The following CCDC3 variants were observed in gnomAD, a reference collection of about 807,000 sequenced individuals.
CCDC3 encodes the protein coiled-coil domain containing 3, also known as coiled-coil domain-containing protein 3.
CCDC3 carries 24 observed loss-of-function variants against 21.4 expected under a neutral mutation model. The ratio of observed to expected loss-of-function variants is 1.12; its 90% CI spans 0.81 to 1.58. CCDC3 has a LOEUF of 1.58. CCDC3 is among the 40% of genes most tolerant of loss of function. The probability of loss-of-function intolerance (pLI) is 0.00; values close to 1 mark genes in which losing one functional copy is unlikely to be tolerated. For missense variants in CCDC3, 425 were observed against 360.9 expected (o/e 1.18, Z -1.44); for synonymous variants, 186 against 166.0 (o/e 1.12, Z -0.93).
rs1284162351 is a variant in CCDC3, at chr10:12,909,297, T to G, written c.550-10618A>C. 2.6e-5 allele frequency among the ~76,000 whole-genome samples: 4 copies of G among 152,096 alleles called. No homozygotes were observed. The East Asian group carries it at 7.7e-4, about 29-fold the overall frequency. The stretch of plus-strand genomic sequence containing the variant: ...TGGCCACTGACCATCGGCCCTCAGA[T>G]GTGTGTATGCTCAGCCTCCGTGGCA... On this transcript the variant is annotated intron_variant, in intron 2 of 2. Transcript: ENST00000378825.
intron 2 of CCDC3, among the ~76,000 whole-genome samples, chr10:12,931,898 T>G (rs1834652075): frequency 6.6e-6 from 1 of 152,204 alleles, no homozygotes; most frequent in Non-Finnish European, 1.5e-5. Context: ...GATTTGTGTA[T>G]TTGGGTGGGA....
intron 3 of CCDC3, among the ~76,000 whole-genome samples, chr10:13,093,485 AAGTCAACCTCTAC>A (rs1832600192): frequency 6.6e-6 from 1 of 152,206 alleles, no homozygotes. Flanking sequence ...GCCAAGTATT[AAGTCAACCTCTAC>A]AGAAGGAAGA....
At chr10:13,084,610 T>G (rs1837080074) in intron 3 of CCDC3, among the ~76,000 whole-genome samples, 1 of 152,162 alleles carries the variant, frequency 6.6e-6, no homozygotes, top group Non-Finnish European at 1.5e-5. Context: ...TCAATAAACT[T>G]GCTTTTGCTT....
intron 2 of CCDC3, among the ~76,000 whole-genome samples, chr10:12,949,339 T>A (rs1834974855): frequency 6.6e-6 from 1 of 152,168 alleles, no homozygotes; most frequent in Non-Finnish European, 1.5e-5. Flanking sequence ...AAGTGCTTCA[T>A]AAAGGGAAAA....
At chr10:13,004,251 C>T (rs1835899402), upstream of CCDC3, among the ~76,000 whole-genome samples, 1 of 146,278 alleles carries the variant, frequency 6.8e-6, no homozygotes, top group Non-Finnish European at 1.5e-5. Context: ...TGGTGACTCC[C>T]AACTGACACT....
intron 2 of CCDC3, among the ~76,000 whole-genome samples, chr10:12,994,701 G>C (rs377146346): frequency 5.3e-5 from 8 of 152,200 alleles, no homozygotes; most frequent in African/African-American, 1.9e-4. Context: ...ACATAACATG[G>C]TGTATTTATC....
chr10:12,925,520 G>A (rs567263507), intron 2 of CCDC3, among the ~76,000 whole-genome samples: 3 of 152,202 alleles, frequency 2.0e-5, no homozygotes, highest in Non-Finnish European at 2.9e-5. Flanking sequence ...CCCCTGTGGC[G>A]AGACACTCTG....
chr10:13,015,472 G>C lies in CCDC3; in HGVS notation c.-1-16960C>G, dbSNP rs761411444. ...GGGAGAGCTGCCAGTCATCACAGCG[G>C]TTACTGTGACTGTGTGTTAGTGTGC... On this transcript the variant is annotated intron_variant, in intron 5 of 6. Coordinates refer to the CCDC3 transcript ENST00000378839. Among the ~76,000 whole-genome samples, 9 of 151,782 alleles carry C rather than the reference G, an allele frequency of 5.9e-5. 1 individual carries two copies. Among genetic ancestry groups the C allele is most frequent in the Non-Finnish European group, 1.2e-4 (8 of 67,934 alleles).
intron 2 of CCDC3, among the ~76,000 whole-genome samples, chr10:12,976,795 A>G (rs1835423815): frequency 6.7e-6 from 1 of 148,300 alleles, no homozygotes; most frequent in Non-Finnish European, 1.5e-5. Flanking sequence ...GTCATTACAC[A>G]TTTGTCTACA....
chr10:12,943,733 C>T (rs911555444), intron 2 of CCDC3, among the ~76,000 whole-genome samples: 15 of 152,202 alleles, frequency 9.9e-5, no homozygotes, highest in Non-Finnish European at 2.1e-4. Flanking sequence ...CAGACACCGC[C>T]TCCCCAAGCT....
chr10:12,966,083 C>T (rs2580904), intron 2 of CCDC3, among the ~76,000 whole-genome samples: 122,581 of 151,946 alleles, frequency 0.81, 50,170 homozygotes, highest in Admixed American at 0.87. Context: ...CACTCTATCA[C>T]CGTCTGTGGG....
At chr10:12,930,225 G>A (rs1246369226) in intron 2 of CCDC3, among the ~76,000 whole-genome samples, 3 of 152,116 alleles carry the variant, frequency 2.0e-5, no homozygotes, top group African/African-American at 7.2e-5. Context: ...ACGTTGTACA[G>A]TTTCTCTAGG....
At chr10:13,051,362 G>T (rs12766004) in intron 4 of CCDC3, among the ~76,000 whole-genome samples, 19,554 of 152,112 alleles carry the variant, frequency 0.13, 1,334 homozygotes, top group Admixed American at 0.17. Context: ...CAGGAAGATT[G>T]AGGCTTTGGT....
At chr10:12,955,341 T>C (rs10906264) in intron 2 of CCDC3, among the ~76,000 whole-genome samples, 13,731 of 152,234 alleles carry the variant, frequency 0.09, 947 homozygotes, top group Admixed American at 0.22. Flanking sequence ...CTACTCACTC[T>C]CCAATTAGGA....
chr10:12,914,562 A>G (rs1027589678), intron 2 of CCDC3, among the ~76,000 whole-genome samples: 5 of 152,036 alleles, frequency 3.3e-5, no homozygotes, highest in Non-Finnish European at 5.9e-5. Context: ...CGCCTGCCTC[A>G]GCCTCCCAAG....
chr10:13,061,511 G>A (rs190968444), intron 4 of CCDC3, among the ~76,000 whole-genome samples: 11 of 152,276 alleles, frequency 7.2e-5, no homozygotes, highest in East Asian at 3.9e-4. Context: ...ACCATGGCCC[G>A]TGACACAGCC....
chr10:13,021,644 G>A lies in CCDC3; in HGVS notation c.-1-23132C>T, dbSNP rs145545879. Among the ~76,000 whole-genome samples the A allele has an allele frequency of 1.3e-3, 204 of 152,234 alleles. 1 individual carries two copies. Among genetic ancestry groups the A allele is most frequent in the African/African-American group, 4.8e-3 (200 of 41,528 alleles). Reference sequence around the variant, plus strand: ...AATACCTATCTCTTTTCTCTATTTTGTGACTTCCAACCTCCCATTATCCAA... The same window carrying A: ...AATACCTATCTCTTTTCTCTATTTTATGACTTCCAACCTCCCATTATCCAA... On this transcript the variant is annotated intron_variant, in intron 5 of 6. Transcript: ENST00000378839.
At chr10:13,097,002 G>A (rs1214006375) in intron 3 of CCDC3, among the ~76,000 whole-genome samples, 1 of 152,206 alleles carries the variant, frequency 6.6e-6, no homozygotes, top group Non-Finnish European at 1.5e-5. Flanking sequence ...TCTAAGAGCT[G>A]TTGCCAGGAG....
intron 2 of CCDC3, among the ~76,000 whole-genome samples, chr10:12,947,983 T>C (rs1046745190): frequency 6.6e-6 from 1 of 152,188 alleles, no homozygotes; most frequent in African/African-American, 2.4e-5. Flanking sequence ...TTTGAACACA[T>C]GCAGCCTGAC....
Sources: allele counts gnomAD v4.1 joint callset (sites outside exome capture counted in the v4.1 genomes callset), GRCh38; gene constraint gnomAD v4.1.1; transcripts MANE v1.5; gene names NCBI Gene and HGNC (gene_info 2026-07-23, HGNC 2026-07-21).